The following MBNL3 variants were observed in gnomAD, a reference collection of about 807,000 sequenced individuals.
The protein encoded by MBNL3 is muscleblind like splicing regulator 3.
MBNL3 carries 6 observed loss-of-function variants against 24.5 expected under a neutral mutation model. The ratio of observed to expected loss-of-function variants is 0.25; its 90% CI spans 0.13 to 0.48. The LOEUF (loss-of-function observed/expected upper bound fraction) is 0.48, where lower values mean the gene tolerates loss of function less well. Ranked by LOEUF, MBNL3 falls within the 20% of genes least tolerant of loss-of-function variation. The pLI, the probability that MBNL3 is intolerant of heterozygous loss-of-function variation, is 0.99. For missense variants in MBNL3, 230 were observed against 293.5 expected (o/e 0.78, Z 1.58); for synonymous variants, 100 against 101.7 (o/e 0.98, Z 0.10).
At chrX:132,485,702 T>C (rs1011790793) in intron 1 of MBNL3, among the ~76,000 whole-genome samples, 4 of 112,339 alleles carry the variant, frequency 3.6e-5, no homozygotes, top group African/African-American at 1.3e-4. Context: ...TGCTGGTTGG[T>C]TAATTGACAA....
intron 6 of MBNL3, among the ~76,000 whole-genome samples, chrX:132,385,337 A>C (rs370552866): frequency 8.9e-6 from 1 of 111,900 alleles, no homozygotes; most frequent in East Asian, 2.8e-4. Flanking sequence ...GATGAACAGC[A>C]TACATTTTAT....
chrX:132,439,640 C>T lies in MBNL3; in HGVS notation c.-29G>A. 2.6e-6 allele frequency: 3 copies of T among 1,174,541 alleles called. No homozygotes were observed. The highest frequency in any genetic ancestry group is 3.4e-6 in the Non-Finnish European group (3 of 876,637). On this transcript the variant is annotated 5_prime_UTR_variant, in exon 2 of 9. Transcript: ENST00000370853. ...GAAAGCAAAATTAAAATCCAATGTACCCTCTTTAGGACAATATTACTGTGG... is the reference window on the plus strand; with the variant it reads ...GAAAGCAAAATTAAAATCCAATGTATCCTCTTTAGGACAATATTACTGTGG...
intron 1 of MBNL3, among the ~76,000 whole-genome samples, chrX:132,481,188 A>G (rs752980969): frequency 1.2e-3 from 139 of 111,964 alleles, no homozygotes; most frequent in African/African-American, 4.3e-3. Flanking sequence ...CTCTGTCTGA[A>G]CTGTTTTCTT....
intron 3 of MBNL3, among the ~76,000 whole-genome samples, chrX:132,403,175 A>T (rs1280770086): frequency 2.7e-5 from 3 of 110,928 alleles, no homozygotes; most frequent in African/African-American, 6.6e-5. Flanking sequence ...CAATAAAGAA[A>T]TTTTTTTTCC....
At position 132,464,969 on chromosome X, in the gene MBNL3, C is replaced by T. The variant is rs191677379; in HGVS notation, c.-704+23882G>A. Among the ~76,000 whole-genome samples the T allele has an allele frequency of 3.8e-3, 428 of 111,467 alleles. 1 individual carries two copies. Among genetic ancestry groups the T allele is most frequent in the South Asian group, 0.012 (31 of 2,643 alleles). ...CTGAGGCAGGAGAATCGCTTGAACC[C>T]GGGAGGCAGAGGTTGCAGTGAGCTG... is the stretch of plus-strand genomic sequence containing the variant. On this transcript the variant is annotated intron_variant, in intron 1 of 8. Coordinates refer to ENST00000370853, the MANE Select transcript of MBNL3 (RefSeq NM_001386889.1).
At chrX:132,409,387 C>CCTT (rs1209492925) in intron 2 of MBNL3, among the ~76,000 whole-genome samples, 4 of 111,436 alleles carry the variant, frequency 3.6e-5, no homozygotes, top group Non-Finnish European at 5.7e-5. Flanking sequence ...TTGTTTTTGT[C>CCTT]CTTTGGAAAA....
intron 1 of MBNL3, among the ~76,000 whole-genome samples, chrX:132,467,903 A>G (rs1298830867): frequency 8.9e-6 from 1 of 112,491 alleles, no homozygotes; most frequent in Non-Finnish European, 1.9e-5. Flanking sequence ...AGGCAAAAGC[A>G]ATAATCTCAA....
chrX:132,393,382 AAAAC>A (rs1244079021), intron 3 of MBNL3, among the ~76,000 whole-genome samples: 1 of 110,745 alleles, frequency 9.0e-6, no homozygotes, highest in Non-Finnish European at 1.9e-5. Context: ...AAAAAAAAAA[AAAAC>A]CTCAGAAATG....
At chrX:132,387,307 T>A (rs1603066291) in intron 5 of MBNL3, among the ~76,000 whole-genome samples, 2 of 76,559 alleles carry the variant, frequency 2.6e-5, no homozygotes, top group African/African-American at 4.8e-5. Flanking sequence ...GTAGTCCAAC[T>A]ACATGAGCAG....
chrX:132,411,126 C>T (rs1942668571), intron 2 of MBNL3: 9 of 752,107 alleles, frequency 1.2e-5, no homozygotes, highest in Non-Finnish European at 1.4e-5. Context: ...TGAGGCTGAA[C>T]GTTGACCCCC....
chrX:132,412,255 T>C (rs1942837817), intron 2 of MBNL3, among the ~76,000 whole-genome samples: 1 of 111,187 alleles, frequency 9.0e-6, no homozygotes, highest in Non-Finnish European at 1.9e-5. Context: ...CCTCAGGATA[T>C]AGGGCCCCAC....
intron 3 of MBNL3, among the ~76,000 whole-genome samples, chrX:132,401,604 G>A (rs775639707): frequency 1.9e-5 from 2 of 103,117 alleles, no homozygotes; most frequent in Non-Finnish European, 3.9e-5. Context: ...GAGTGATACC[G>A]TGTCTCAAAA....
At position 132,392,262 on chromosome X, in the gene MBNL3, C is replaced by A; in HGVS notation, c.415G>T (p.Gly139Trp). The A allele has an allele frequency of 8.3e-7, 1 of 1,210,120 alleles. No homozygotes were observed. Among genetic ancestry groups the A allele is most frequent in the Non-Finnish European group, 1.1e-6 (1 of 894,547 alleles). ...MAFNPYIPHP[G>W]MGLVPAELVP... Reference sequence around the variant, plus strand: ...AGTTCTGCAGGAACGAGGCCCATCCCAGGATGTGGTATGTAAGGATTGAAA... The same window carrying A: ...AGTTCTGCAGGAACGAGGCCCATCCAAGGATGTGGTATGTAAGGATTGAAA... Residue 139 changes from glycine to tryptophan, a missense_variant, in exon 4 of 9, where the codon GGG becomes TGG. Coordinates refer to ENST00000370853, the MANE Select transcript of MBNL3 (RefSeq NM_001386889.1).
chrX:132,438,877 T>TAA (rs1454623604), intron 2 of MBNL3, among the ~76,000 whole-genome samples: 1 of 108,081 alleles, frequency 9.3e-6, no homozygotes, highest in Non-Finnish European at 1.9e-5. Context: ...TAGCAATACG[T>TAA]TTAAGTTAAA....
intron 1 of MBNL3, among the ~76,000 whole-genome samples, chrX:132,472,672 C>T (rs1337806647): frequency 8.9e-6 from 1 of 112,022 alleles, no homozygotes; most frequent in Non-Finnish European, 1.9e-5. Flanking sequence ...ATTAATCATA[C>T]AGACACATAC....
intron 1 of MBNL3, among the ~76,000 whole-genome samples, chrX:132,483,642 C>T (rs1947856069): frequency 8.9e-6 from 1 of 112,073 alleles, no homozygotes. Flanking sequence ...AACATAACCT[C>T]TTGTTTGGTT....
At chrX:132,456,523 G>A (rs1463882019) in intron 1 of MBNL3, among the ~76,000 whole-genome samples, 1 of 111,926 alleles carries the variant, frequency 8.9e-6, no homozygotes, top group Admixed American at 9.5e-5. Context: ...CAGACACTGT[G>A]CTAGGCATTT....
rs942971089 is a variant in MBNL3, at chrX:132,373,136, C to T, written c.*6530G>A. On this transcript the variant is annotated 3_prime_UTR_variant, in exon 9 of 9. Transcript: ENST00000370853. ...ATGTTGAAACTCCAGAGTATGACCC[C>T]GTGGCTGTCAGCATGCACACCATGC... 1.3e-4 allele frequency: 14 copies of T among 110,819 alleles called. No homozygotes were observed. Among genetic ancestry groups the T allele is most frequent in the Non-Finnish European group, 2.7e-4 (14 of 52,797 alleles). The allele number at this position is 110,819 out of a possible 1,213,427, so 9.1% of individuals were successfully genotyped here. A position where few individuals can be genotyped will look rare whatever the true frequency, so the allele number is the denominator to read the frequency against.
intron 8 of MBNL3, 137 bp downstream of exon 8, chrX:132,382,041 A>G (rs1338629537): frequency 1.9e-6 from 1 of 514,301 alleles, no homozygotes; most frequent in Non-Finnish European, 3.2e-6. Context: ...TCTAGAATAT[A>G]CACAAAAATA....
Sources: gnomAD v4.1 joint callset for allele counts (sites outside exome capture counted in the v4.1 genomes callset) on GRCh38, gnomAD v4.1.1 for gene constraint, MANE v1.5 for transcripts, NCBI Gene and HGNC (gene_info 2026-07-23, HGNC 2026-07-21) for gene names.